Variants in ESPNL observed in about 807,000 individuals in gnomAD.
ESPNL encodes the protein espin like.
In ESPNL, 49 loss-of-function variants were observed where a neutral mutation model predicts 46.8. The observed-to-expected ratio is 1.05, with a 90% CI of 0.83 to 1.33. ESPNL has a LOEUF of 1.33. ESPNL is among the 40% of genes most tolerant of loss of function. The probability of loss-of-function intolerance (pLI) is 0.00; values close to 1 mark genes in which losing one functional copy is unlikely to be tolerated. For synonymous variants in ESPNL, 664 were observed against 662.1 expected (o/e 1.00, Z -0.04); for missense variants, 1,540 against 1,436.6 (o/e 1.07, Z -1.16).
intron 6 of ESPNL, among the ~76,000 whole-genome samples, chr2:238,126,501 TTC>T (rs1212174163): frequency 3.4e-5 from 5 of 146,916 alleles, no homozygotes; most frequent in East Asian, 1.9e-4. Context: ...TTCTGTCTGT[TTC>T]TGTGTGTGAT....
chr2:238,124,616 G>A (rs34620130), intron 5 of ESPNL, among the ~76,000 whole-genome samples: 78,419 of 143,832 alleles, frequency 0.55, 22,615 homozygotes, highest in African/African-American at 0.77. Context: ...TGTGCAGGAG[G>A]GTACATGCGT....
At chr2:238,109,125 G>C (rs1251522928) in intron 4 of ESPNL, among the ~76,000 whole-genome samples, 1 of 152,224 alleles carries the variant, frequency 6.6e-6, no homozygotes, top group African/African-American at 2.4e-5. Flanking sequence ...GCATGTCCCT[G>C]ACAGGTGGCT....
chr2:238,120,597 G>A (rs1024748128), intron 5 of ESPNL, among the ~76,000 whole-genome samples: 19 of 152,364 alleles, frequency 1.2e-4, no homozygotes, highest in Admixed American at 9.8e-4. Flanking sequence ...CCTGCCCGGC[G>A]CATGAAAACC....
intron 5 of ESPNL, among the ~76,000 whole-genome samples, chr2:238,121,096 G>C (rs11884690): frequency 0.19 from 28,944 of 152,134 alleles, 3,009 homozygotes; most frequent in African/African-American, 0.27. Flanking sequence ...AGGGTGCTAG[G>C]GAAGGCCAGC....
At chr2:238,122,195 G>C (rs1272823837) in intron 5 of ESPNL, among the ~76,000 whole-genome samples, 1 of 152,248 alleles carries the variant, frequency 6.6e-6, no homozygotes, top group Admixed American at 6.5e-5. Context: ...ACAGGACCCT[G>C]ACATCTGCGC....
At chr2:238,119,370 T>G in intron 5 of ESPNL, among the ~76,000 whole-genome samples, 1 of 91,216 alleles carries the variant, frequency 1.1e-5, no homozygotes, top group South Asian at 3.8e-4. Flanking sequence ...ATGAAGGACG[T>G]GGATGAAGGA....
In ESPNL at chr2:238,129,991, G is replaced by A. The variant is rs553561743; in HGVS notation, c.1414-137G>A. 54 of 963,572 alleles carry A rather than the reference G, an allele frequency of 5.6e-5. 1 individual carries two copies. In the South Asian group the frequency reaches 7.2e-4, roughly 13 times the overall value. The allele number at this position is 963,572 out of a possible 1,614,324, so 59.7% of individuals were successfully genotyped here. A position where few individuals can be genotyped will look rare whatever the true frequency, so the allele number is the denominator to read the frequency against. ...GGTCAGGGGCTTCTGCCCTAGCTGG[G>A]AAGCCCTTTAAAGTCTTACCTTGGG... On this transcript the variant is annotated intron_variant, in intron 8 of 8. Transcript: ENST00000343063.
At chr2:238,125,617 T>C (rs888538900) in intron 6 of ESPNL, among the ~76,000 whole-genome samples, 4 of 152,178 alleles carry the variant, frequency 2.6e-5, no homozygotes, top group African/African-American at 9.7e-5. Context: ...TATCCAGGGG[T>C]AAAAGCGGGG....
In ESPNL at chr2:238,104,848, T is replaced by C; in HGVS notation, c.672+6T>C. ...ACTCCCTCGTCGTCTGGCTGGTAAG[T>C]GGGTGCCAGAGGTGGGAAGGGGACA... On this transcript the variant is annotated splice_donor_region_variant and intron_variant, in intron 3 of 8. Coordinates refer to ENST00000343063, the MANE Select transcript of ESPNL (RefSeq NM_194312.4). 6.7e-7 allele frequency: 1 copy of C among 1,486,036 alleles called. No individual in the cohort carries two copies. The highest frequency in any genetic ancestry group is 9.0e-7 in the Non-Finnish European group (1 of 1,114,404). The allele number at this position is 1,486,036 out of a possible 1,614,324, so 92.1% of individuals were successfully genotyped here. A position where few individuals can be genotyped will look rare whatever the true frequency, so the allele number is the denominator to read the frequency against.
Position 238,100,560 on chromosome 2 carries a change from C to G in ESPNL, c.141C>G (p.Gly47=). The change falls in exon 1 of 9, where the codon GGC becomes GGG. Residue 47 remains glycine, a synonymous_variant. Transcript: ENST00000343063. ...AGLVHHATRA[G]HLDCVKFLVQ... ...TGGTTCACCACGCCACCCGGGCTGG[C>G]CACCTGGACTGCGTCAAGTTCTTGG... 6.3e-7 allele frequency: 1 copy of G among 1,587,922 alleles called. No individual in the cohort carries two copies.
chr2:238,129,215 C>A, intron 8 of ESPNL: 1 of 1,283,066 alleles, frequency 7.8e-7, no homozygotes, highest in Non-Finnish European at 9.9e-7. Flanking sequence ...GCAGGGAAGA[C>A]GGTGGCCCAT....
chr2:238,116,895 C>T lies in ESPNL; in HGVS notation c.856-8C>T. On this transcript the variant is annotated splice_region_variant and splice_polypyrimidine_tract_variant and intron_variant, in intron 4 of 8. Coordinates refer to ENST00000343063, the MANE Select transcript of ESPNL (RefSeq NM_194312.4). The stretch of plus-strand genomic sequence containing the variant: ...TGGTGGGTCACATGTGTGCCCTCCT[C>T]ACTGCAGTGCTGCCAGACCCTAGTC... The T allele has an allele frequency of 6.2e-7, 1 of 1,611,990 alleles. No homozygotes were observed. The highest frequency in any genetic ancestry group is 8.5e-7 in the Non-Finnish European group (1 of 1,179,476).
At position 238,131,454 on chromosome 2, in the gene ESPNL, G is replaced by T. The variant is rs1233616359; in HGVS notation, c.2740G>T (p.Ala914Ser). 3.1e-6 allele frequency: 5 copies of T among 1,610,968 alleles called. No homozygotes were observed. In the African/African-American group the frequency reaches 4.0e-5, roughly 13 times the overall value. The part of the protein sequence containing the change: ...VTDEVAAGRR[A>S]WTDGFEDIKA... ...CGACGAGGTGGCCGCCGGCCGCCGGGCCTGGACCGACGGCTTCGAGGACAT... is the reference window on the plus strand; with the variant it reads ...CGACGAGGTGGCCGCCGGCCGCCGGTCCTGGACCGACGGCTTCGAGGACAT... The change falls in exon 9 of 9, where the codon GCC becomes TCC. Residue 914 changes from alanine (A) to serine (S), a missense_variant. Physicochemically the swap from Ala to Ser is moderately conservative, Grantham distance 99. Transcript: ENST00000343063.
intron 5 of ESPNL, among the ~76,000 whole-genome samples, chr2:238,120,626 G>A (rs922432686): frequency 6.6e-6 from 1 of 152,238 alleles, no homozygotes; most frequent in African/African-American, 2.4e-5. Flanking sequence ...GGGCCTTCCC[G>A]GCTCCTCAGT....
chr2:238,122,947 A>G (rs898480729), intron 5 of ESPNL, among the ~76,000 whole-genome samples: 4 of 152,182 alleles, frequency 2.6e-5, no homozygotes, highest in African/African-American at 9.7e-5. Flanking sequence ...GCCTCTCGCT[A>G]TGTCTTGAAC....
intron 8 of ESPNL, 62 bp from the exon 9 acceptor site, chr2:238,130,066 C>T (rs1265921582): frequency 2.6e-6 from 4 of 1,543,684 alleles, no homozygotes; most frequent in Non-Finnish European, 3.5e-6. Context: ...GACTTGGAAG[C>T]TAGGTGGGCT....
intron 5 of ESPNL, among the ~76,000 whole-genome samples, chr2:238,121,238 CTGAG>C (rs1691981454): frequency 6.6e-6 from 1 of 152,216 alleles, no homozygotes; most frequent in South Asian, 2.1e-4. Flanking sequence ...CTGTGGGGCT[CTGAG>C]TGCCCTGTCT....
Position 238,129,112 on chromosome 2 carries a change from C to T in ESPNL, c.1413+208C>T, listed in dbSNP as rs139376368. 61 of 1,413,516 alleles carry T rather than the reference C, an allele frequency of 4.3e-5. No individual in the cohort carries two copies. The African/African-American group carries it at 7.2e-4, about 17-fold the overall frequency. 87.6% of individuals were successfully genotyped at this position (1,413,516 alleles called of 1,614,324 possible). A position where few individuals can be genotyped will look rare whatever the true frequency, so the allele number is the denominator to read the frequency against. ...AGAGCCCCTTCACCTGCTCTGGAGG[C>T]ATGGGTCCCACGTATCCTTCCACTT... On this transcript the variant is annotated intron_variant, in intron 8 of 8. Transcript: ENST00000343063.
At position 238,130,629 on chromosome 2, in the gene ESPNL, A is replaced by G; in HGVS notation, c.1915A>G (p.Ser639Gly). Residue 639 changes from serine to glycine, a missense_variant, in exon 9 of 9, where the codon AGC (serine) becomes GGC (glycine). Physicochemically the swap from Ser to Gly is moderately conservative, Grantham distance 56. Transcript: ENST00000343063. ...CREASASPPRSEAQRQIQEWG... is the reference protein window; with the variant it reads ...CREASASPPRGEAQRQIQEWG... ...GGAGGCCTCGGCCAGCCCCCCTCGG[A>G]GCGAGGCCCAGCGCCAGATCCAGGA... 6.4e-7 allele frequency: 1 copy of G among 1,561,128 alleles called. No homozygotes were observed. The highest frequency in any genetic ancestry group is 1.4e-5 in the African/African-American group (1 of 73,850).
Sources: allele counts gnomAD v4.1 joint callset (sites outside exome capture counted in the v4.1 genomes callset), GRCh38; gene constraint gnomAD v4.1.1; transcripts MANE v1.5; gene names NCBI Gene and HGNC (gene_info 2026-07-23, HGNC 2026-07-21).